HDAC4: variants seen among roughly 807,000 people sequenced by gnomAD.
HDAC4 encodes the protein histone deacetylase 4, also known as histone deacetylase A.
A neutral mutation model predicts 135.1 loss-of-function variants in HDAC4; 16 were observed. The observed-to-expected ratio is 0.12, with a 90% confidence interval of 0.08 to 0.18. The LOEUF (loss-of-function observed/expected upper bound fraction) is 0.18, where lower values mean the gene tolerates loss of function less well. Ranked by LOEUF, HDAC4 falls within the 10% of genes least tolerant of loss-of-function variation. HDAC4 has a pLI of 1.00. For missense variants in HDAC4, 1,143 were observed against 1,511.8 expected (o/e 0.76, Z 4.05); for synonymous variants, 685 against 653.4 (o/e 1.05, Z -0.74).
chr2:239,392,515 T>G (rs529253178), intron 1 of HDAC4, among the ~76,000 whole-genome samples: 5 of 152,194 alleles, frequency 3.3e-5, no homozygotes, highest in African/African-American at 1.2e-4. Context: ...GTCCAAAAGG[T>G]CAGAGGGCCA....
intron 1 of HDAC4, among the ~76,000 whole-genome samples, chr2:239,362,194 G>T (rs1020414524): frequency 6.6e-6 from 1 of 152,172 alleles, no homozygotes; most frequent in African/African-American, 2.4e-5. Flanking sequence ...TGCCAAGTGG[G>T]CAGTTTCTGA....
chr2:239,100,621 C>T (rs991423015), intron 16 of HDAC4, among the ~76,000 whole-genome samples: 1 of 152,168 alleles, frequency 6.6e-6, no homozygotes, highest in Non-Finnish European at 1.5e-5. Flanking sequence ...GGGGAAGTGC[C>T]AACGGCTGGG....
At chr2:239,114,198 C>T (rs1358841273) in intron 13 of HDAC4, among the ~76,000 whole-genome samples, 1 of 152,168 alleles carries the variant, frequency 6.6e-6, no homozygotes, top group African/African-American at 2.4e-5. Context: ...GGAGATGCAG[C>T]GTCTGGCCAC....
chr2:239,098,350 C>A (rs996684313), intron 16 of HDAC4, among the ~76,000 whole-genome samples: 4 of 152,230 alleles, frequency 2.6e-5, no homozygotes, highest in Non-Finnish European at 5.9e-5. Flanking sequence ...GGCAGACAGG[C>A]GTTCTGTGCC....
intron 2 of HDAC4, among the ~76,000 whole-genome samples, chr2:239,337,420 C>T (rs908981535): frequency 2.0e-5 from 3 of 152,154 alleles, no homozygotes; most frequent in African/African-American, 7.2e-5. Flanking sequence ...TCACAGAAAA[C>T]CCCACTGCAA....
intron 1 of HDAC4, among the ~76,000 whole-genome samples, chr2:239,355,269 C>A (rs573026009): frequency 6.6e-6 from 1 of 152,336 alleles, no homozygotes; most frequent in Admixed American, 6.5e-5. Flanking sequence ...CTGGCTTCTT[C>A]AGAGTTCCTA....
chr2:239,107,930 C>A, intron 15 of HDAC4, 120 bp downstream of exon 15: 2 of 1,259,330 alleles, frequency 1.6e-6, no homozygotes, highest in Non-Finnish European at 2.3e-6. Flanking sequence ...GCCCTTCCCC[C>A]GGGGCTGTAA....
intron 2 of HDAC4, among the ~76,000 whole-genome samples, chr2:239,329,141 C>G (rs531118433): frequency 1.3e-5 from 2 of 152,054 alleles, no homozygotes; most frequent in African/African-American, 4.8e-5. Flanking sequence ...GCCAACCCCC[C>G]ACATCCCCCC....
chr2:239,094,180 C>T (rs928899241), intron 17 of HDAC4: 6 of 985,342 alleles, frequency 6.1e-6, no homozygotes, highest in Non-Finnish European at 7.2e-6. Context: ...ACTGCAGGAC[C>T]ATGATGGCCC....
At chr2:239,200,755 C>T (rs930917189) in intron 3 of HDAC4, among the ~76,000 whole-genome samples, 4 of 151,472 alleles carry the variant, frequency 2.6e-5, no homozygotes, top group East Asian at 3.9e-4. Context: ...TGGGGCTGGG[C>T]GGGAGAGAGA....
At chr2:239,382,169 G>C (rs938400466) in intron 1 of HDAC4, among the ~76,000 whole-genome samples, 5 of 152,238 alleles carry the variant, frequency 3.3e-5, no homozygotes, top group African/African-American at 1.2e-4. Flanking sequence ...CTGCACCCAC[G>C]TAACAGATTA....
Position 239,054,846 on chromosome 2 carries a change from G to A in HDAC4, c.3004-13C>T. The A allele has an allele frequency of 1.3e-6, 2 of 1,575,272 alleles. No homozygotes were observed. Among genetic ancestry groups the A allele is most frequent in the Non-Finnish European group, 1.7e-6 (2 of 1,144,612 alleles). ...GGAGAGGATCAAGCTGGAAGAAAAT[G>A]CATAAGAATATAAAGACTGCCAATA... is the stretch of plus-strand genomic sequence containing the variant. On this transcript the variant is annotated splice_polypyrimidine_tract_variant and intron_variant, in intron 24 of 26. Transcript: ENST00000543185.
At chr2:239,217,167 A>T (rs574245717) in intron 3 of HDAC4, among the ~76,000 whole-genome samples, 54 of 152,320 alleles carry the variant, frequency 3.5e-4, no homozygotes, top group African/African-American at 1.3e-3. Context: ...CGCTGGTGGC[A>T]GAGCCTGAAC....
Position 239,068,423 on chromosome 2 carries a change from CGCGGAACACA to C in HDAC4, c.2869+56_2869+65del. 8.7e-7 allele frequency: 1 copy of C among 1,152,012 alleles called. No homozygotes were observed. The highest frequency in any genetic ancestry group is 1.5e-5 in the African/African-American group (1 of 66,120). 71.4% of individuals were successfully genotyped at this position (1,152,012 alleles called of 1,614,324 possible). A position where few individuals can be genotyped will look rare whatever the true frequency, so the allele number is the denominator to read the frequency against. ...TCGTTATTAAAAAGGGGACCTGACA[CGCGGAACACA>C]GCGGATCATGGACATGAGCAGAACC... On this transcript the variant is annotated intron_variant, in intron 23 of 26. Transcript: ENST00000543185. This position sits in a 1 kb window ranked among gnomAD's most constrained non-coding sequence, Gnocchi z 4.4.
chr2:239,266,817 AC>A (rs1178595269), intron 2 of HDAC4, among the ~76,000 whole-genome samples: 1 of 152,044 alleles, frequency 6.6e-6, no homozygotes, highest in Admixed American at 6.6e-5. Flanking sequence ...TCTACAAGGC[AC>A]CCGCTTGGCC....
rs1037453829 is a variant in HDAC4, at chr2:239,226,681, T to C, written c.94+9912A>G. 9.2e-5 allele frequency among the ~76,000 whole-genome samples: 14 copies of C among 151,692 alleles called. No homozygotes were observed. In the East Asian group the frequency reaches 1.5e-3, roughly 17 times the overall value. ...AACATGTAATGGGGGGGGTGATAAA[T>C]GTAGATAACCCAAACAATCTAATGT... is the stretch of plus-strand genomic sequence containing the variant. On this transcript the variant is annotated intron_variant, in intron 3 of 26. Coordinates refer to ENST00000543185, the MANE Select transcript of HDAC4 (RefSeq NM_001378414.1).
At chr2:239,366,339 A>C (rs1037719083) in intron 1 of HDAC4, among the ~76,000 whole-genome samples, 5 of 152,252 alleles carry the variant, frequency 3.3e-5, no homozygotes, top group African/African-American at 1.2e-4. Flanking sequence ...CACAAGAATA[A>C]CTGTCCGTTA....
At chr2:239,391,636 G>A (rs1035195483) in intron 1 of HDAC4, among the ~76,000 whole-genome samples, 1 of 152,224 alleles carries the variant, frequency 6.6e-6, no homozygotes, top group African/African-American at 2.4e-5. Flanking sequence ...GTGAAGCTGG[G>A]ATCTCAACCG....
At chr2:239,247,435 T>TA (rs1330967624) in intron 2 of HDAC4, among the ~76,000 whole-genome samples, 12 of 152,164 alleles carry the variant, frequency 7.9e-5, no homozygotes, top group Non-Finnish European at 1.5e-4. Context: ...CGAACACAGA[T>TA]AAAGAACGAG....
Sources: gnomAD v4.1 joint callset for allele counts (sites outside exome capture counted in the v4.1 genomes callset) on GRCh38, gnomAD v4.1.1 for gene constraint, Gnocchi (gnomAD v3.1) non-coding constraint, MANE v1.5 for transcripts, NCBI Gene and HGNC (gene_info 2026-07-23, HGNC 2026-07-21) for gene names.